The following DLG1 variants were observed in gnomAD, a reference collection of about 807,000 sequenced individuals.
The protein encoded by DLG1 is disks large homolog 1.
Under a neutral mutation model 123.4 loss-of-function variants are expected in DLG1, and 42 were observed. The ratio of observed to expected loss-of-function variants is 0.34; its 90% CI spans 0.27 to 0.44. DLG1 has a LOEUF of 0.44. DLG1 is among the 20% of genes least tolerant of loss of function. DLG1 has a pLI of 1.00. For missense variants in DLG1, 942 were observed against 1,082.6 expected, an observed-to-expected ratio of 0.87 and a Z score of 1.82; for synonymous variants, 317 against 356.2, an observed-to-expected ratio of 0.89 and a Z score of 1.24.
chr3:197,141,430 C>T (rs527255758), intron 7 of DLG1, among the ~76,000 whole-genome samples: 45 of 152,154 alleles, frequency 3.0e-4, no homozygotes, highest in Non-Finnish European at 5.9e-4. Flanking sequence ...ATGTACAGTA[C>T]ATTAATACTG....
chr3:197,143,778 T>G (rs1472036543), intron 6 of DLG1, among the ~76,000 whole-genome samples: 1 of 152,206 alleles, frequency 6.6e-6, no homozygotes, highest in Non-Finnish European at 1.5e-5. Flanking sequence ...ATTTTCCACT[T>G]CGACATCTGG....
chr3:197,264,162 G>A (rs1379604371), intron 4 of DLG1, among the ~76,000 whole-genome samples: 4 of 152,066 alleles, frequency 2.6e-5, no homozygotes, highest in Admixed American at 6.5e-5. Context: ...ATTCATCTCC[G>A]ATGTCTAGGG....
chr3:197,081,690 TTGAAG>T (rs71161993), intron 16 of DLG1, among the ~76,000 whole-genome samples: 60,037 of 151,898 alleles, frequency 0.4, 12,449 homozygotes, highest in East Asian at 0.74. Context: ...GTTACAGTTA[TTGAAG>T]TAAGAGTTTT....
At chr3:197,276,049 G>A (rs1766266167) in intron 4 of DLG1, among the ~76,000 whole-genome samples, 1 of 152,154 alleles carries the variant, frequency 6.6e-6, no homozygotes, top group African/African-American at 2.4e-5. Flanking sequence ...CAGACTATGT[G>A]TATATTCTTC....
intron 3 of DLG1, 148 bp downstream of exon 3, chr3:197,296,198 C>T: frequency 2.7e-6 from 2 of 727,606 alleles, no homozygotes; most frequent in South Asian, 2.3e-5. Flanking sequence ...GGACACTGGC[C>T]TATGAAAAAC....
chr3:197,113,204 A>G (rs1277375965), intron 13 of DLG1, among the ~76,000 whole-genome samples: 1 of 152,202 alleles, frequency 6.6e-6, no homozygotes, highest in Non-Finnish European at 1.5e-5. Context: ...AAATTTGTCT[A>G]ATCCATATTT....
chr3:197,243,634 G>A (rs148064856), intron 4 of DLG1, among the ~76,000 whole-genome samples: 26 of 151,974 alleles, frequency 1.7e-4, no homozygotes, highest in African/African-American at 2.4e-4. Flanking sequence ...CATACCTAGC[G>A]CCATCCTATT....
rs1015266846 is a variant in DLG1, at chr3:197,271,544, C to T, written c.318+11135G>A. The stretch of plus-strand genomic sequence containing the variant: ...TTAGGAAAACCCAGTTAAAAACAGA[C>T]ACCTAACAATCAAATGCATAAATGG... On this transcript the variant is annotated intron_variant, in intron 4 of 24. Coordinates refer to ENST00000667157, the MANE Select transcript of DLG1 (RefSeq NM_001366207.1). Among the ~76,000 whole-genome samples the T allele has an allele frequency of 5.9e-5, 9 of 152,268 alleles. 1 individual carries two copies. Among genetic ancestry groups the T allele is most frequent in the African/African-American group, 2.2e-4 (9 of 41,562 alleles).
intron 10 of DLG1, among the ~76,000 whole-genome samples, chr3:197,134,716 C>T (rs1036104966): frequency 6.6e-6 from 1 of 152,212 alleles, no homozygotes; most frequent in Non-Finnish European, 1.5e-5. Context: ...TGATGTGTTC[C>T]ACACAGTGAG....
At chr3:197,258,086 C>T (rs562685956) in intron 4 of DLG1, among the ~76,000 whole-genome samples, 9 of 152,198 alleles carry the variant, frequency 5.9e-5, no homozygotes, top group African/African-American at 1.4e-4. Context: ...TAATCAGAAA[C>T]GCTGCCATGC....
chr3:197,128,325 T>C (rs568227200), intron 11 of DLG1, among the ~76,000 whole-genome samples: 15 of 152,360 alleles, frequency 9.8e-5, no homozygotes, highest in Admixed American at 7.8e-4. Flanking sequence ...TTTGATTATC[T>C]ATAAGAAGCA....
chr3:197,080,951 C>T, intron 17 of DLG1, 100 bp downstream of exon 17: 1 of 1,116,360 alleles, frequency 9.0e-7, no homozygotes, highest in East Asian at 2.5e-5. Context: ...AGCACCATGG[C>T]AAGAACTGAT....
intron 4 of DLG1, among the ~76,000 whole-genome samples, chr3:197,223,886 A>G (rs1461627321): frequency 1.3e-5 from 2 of 152,230 alleles, no homozygotes; most frequent in Admixed American, 6.5e-5. Flanking sequence ...AAATACACTA[A>G]TGAAAAATGT....
rs184740926 is a variant in DLG1, at chr3:197,180,464, A to G, written c.483+13961T>C. 9.8e-5 allele frequency among the ~76,000 whole-genome samples: 15 copies of G among 152,342 alleles called. No homozygotes were observed. The East Asian group carries it at 1.7e-3, about 18-fold the overall frequency. On this transcript the variant is annotated intron_variant, in intron 5 of 24. Coordinates refer to ENST00000667157, the MANE Select transcript of DLG1 (RefSeq NM_001366207.1). The stretch of plus-strand genomic sequence containing the variant: ...TCGCAATGCATAGAGAACTTTTTCT[A>G]TACTAATCGTTTGAAATTAAGGACA...
chr3:197,216,457 T>A (rs1203434346), intron 4 of DLG1, among the ~76,000 whole-genome samples: 2 of 152,190 alleles, frequency 1.3e-5, no homozygotes, highest in Non-Finnish European at 2.9e-5. Context: ...CATGGGGCAG[T>A]CTGGGGGAAA....
In DLG1 at chr3:197,163,500, GA is replaced by G. The variant is rs539300656; in HGVS notation, c.484-13705del. Among the ~76,000 whole-genome samples the G allele has an allele frequency of 2.4e-4, 36 of 151,482 alleles. No homozygotes were observed. The East Asian group carries it at 6.6e-3, about 28-fold the overall frequency. On this transcript the variant is annotated intron_variant, in intron 5 of 24. Coordinates refer to ENST00000667157, the MANE Select transcript of DLG1 (RefSeq NM_001366207.1). ...GGAGATGAACGGATACACAAAACGT[GA>G]TAATATACACACAATGGGTATGATT... is the stretch of plus-strand genomic sequence containing the variant.
At chr3:197,154,405 G>C (rs1178922592) in intron 5 of DLG1, among the ~76,000 whole-genome samples, 4 of 152,170 alleles carry the variant, frequency 2.6e-5, no homozygotes, top group Non-Finnish European at 5.9e-5. Context: ...GCCGGGCACA[G>C]TGGCTCACAC....
intron 14 of DLG1, among the ~76,000 whole-genome samples, chr3:197,103,100 T>C (rs1579234352): frequency 6.6e-6 from 1 of 152,186 alleles, no homozygotes; most frequent in East Asian, 1.9e-4. Flanking sequence ...ATTTGTGCCA[T>C]CACAAACATT....
At chr3:197,135,631 T>C (rs1466858365) in intron 10 of DLG1, among the ~76,000 whole-genome samples, 1 of 152,102 alleles carries the variant, frequency 6.6e-6, no homozygotes, top group Non-Finnish European at 1.5e-5. Flanking sequence ...TACAGTGGAA[T>C]AGTATGTAGA....
Sources: allele counts gnomAD v4.1 joint callset (sites outside exome capture counted in the v4.1 genomes callset), GRCh38; gene constraint gnomAD v4.1.1; transcripts MANE v1.5; gene names NCBI Gene and HGNC (gene_info 2026-07-23, HGNC 2026-07-21).